Variants in DMD observed in about 807,000 individuals in gnomAD.
DMD encodes the protein dystrophin.
Under a neutral mutation model 330.1 loss-of-function variants are expected in DMD, and 63 were observed. The observed-to-expected ratio is 0.19, with a 90% confidence interval of 0.16 to 0.24. DMD has a LOEUF of 0.24. Ranked by LOEUF, DMD falls within the 10% of genes least tolerant of loss-of-function variation. DMD has a pLI of 1.00. For missense variants in DMD, 3,344 were observed against 2,684.1 expected (o/e 1.25, Z -5.43); for synonymous variants, 1,223 against 959.8 (o/e 1.27, Z -5.07).
At chrX:31,546,110 T>A (rs1337428331) in intron 55 of DMD, among the ~76,000 whole-genome samples, 2 of 112,274 alleles carry the variant, frequency 1.8e-5, no homozygotes, top group Admixed American at 9.5e-5. Context: ...GATTCCTGTA[T>A]TAGATGATTT....
intron 12 of DMD, 83 bp downstream of exon 12, chrX:32,614,220 C>G (rs1399062722): frequency 1.1e-6 from 1 of 941,398 alleles, no homozygotes; most frequent in East Asian, 3.2e-5. Context: ...TCCCATCAAC[C>G]ATGTCATCTG....
chrX:32,410,884 A>T (rs902033643), intron 30 of DMD, among the ~76,000 whole-genome samples: 14 of 112,207 alleles, frequency 1.2e-4, no homozygotes, highest in Admixed American at 9.5e-4. Context: ...ACACTATTTT[A>T]ATTCTCATTC....
chrX:32,330,641 C>CTT (rs985248042), intron 41 of DMD, among the ~76,000 whole-genome samples: 1 of 110,927 alleles, frequency 9.0e-6, no homozygotes, highest in Non-Finnish European at 1.9e-5. Context: ...AATTCTTGTT[C>CTT]TTTTTTTTCT....
chrX:32,695,337 G>C (rs1274980044), intron 9 of DMD, among the ~76,000 whole-genome samples: 1 of 111,947 alleles, frequency 8.9e-6, no homozygotes, highest in Non-Finnish European at 1.9e-5. Context: ...GCTAAGGGAA[G>C]CATAAAAGCT....
chrX:33,057,209 C>G (rs1019984345), intron 1 of DMD, among the ~76,000 whole-genome samples: 4 of 107,126 alleles, frequency 3.7e-5, no homozygotes, highest in African/African-American at 1.4e-4. Flanking sequence ...AATTCAAAAT[C>G]ACATTATCAT....
At chrX:32,014,566 A>G (rs1403622870) in intron 44 of DMD, among the ~76,000 whole-genome samples, 1 of 111,640 alleles carries the variant, frequency 9.0e-6, no homozygotes, top group Admixed American at 9.6e-5. Flanking sequence ...TAACTTCTCT[A>G]TAGTACAGTT....
chrX:32,264,257 T>C (rs951347533), intron 43 of DMD, among the ~76,000 whole-genome samples: 1 of 111,757 alleles, frequency 8.9e-6, no homozygotes, highest in African/African-American at 3.3e-5. Context: ...AGGATGTGTT[T>C]GCTTCTGCTT....
intron 2 of DMD, among the ~76,000 whole-genome samples, chrX:32,962,353 T>A (rs1005361822): frequency 8.9e-6 from 1 of 112,206 alleles, no homozygotes; most frequent in African/African-American, 3.2e-5. Context: ...TTGTTGTAGA[T>A]CTATATGCCC....
At chrX:31,798,330 C>A (rs2091919184) in intron 50 of DMD, among the ~76,000 whole-genome samples, 1 of 109,651 alleles carries the variant, frequency 9.1e-6, no homozygotes, top group East Asian at 2.8e-4. Context: ...AAGTTCTCCA[C>A]ATGGAGTTGT....
intron 52 of DMD, among the ~76,000 whole-genome samples, chrX:31,727,782 A>G (rs1175633863): frequency 8.9e-6 from 1 of 112,538 alleles, no homozygotes; most frequent in Non-Finnish European, 1.9e-5. Flanking sequence ...AACAATAAAG[A>G]GTTAAACTTT....
chrX:33,002,131 C>A (rs766954865), intron 2 of DMD, among the ~76,000 whole-genome samples: 1 of 110,744 alleles, frequency 9.0e-6, no homozygotes, highest in South Asian at 3.9e-4. Flanking sequence ...GATCCCAGCA[C>A]CTAGATATAT....
At chrX:31,154,796 G>A (rs1602213409) in intron 74 of DMD, among the ~76,000 whole-genome samples, 1 of 110,957 alleles carries the variant, frequency 9.0e-6, no homozygotes, top group African/African-American at 3.3e-5. Context: ...ATCTATTTAC[G>A]TTCTTGATTA....
intron 63 of DMD, among the ~76,000 whole-genome samples, chrX:31,236,044 T>C (rs1423147023): frequency 8.9e-6 from 1 of 112,156 alleles, no homozygotes; most frequent in Non-Finnish European, 1.9e-5. Context: ...TGAGAAGATA[T>C]CTGCAAGAAA....
At chrX:31,325,639 A>G (rs2056734856) in intron 61 of DMD, among the ~76,000 whole-genome samples, 1 of 109,952 alleles carries the variant, frequency 9.1e-6, no homozygotes, top group Admixed American at 9.7e-5. Flanking sequence ...AAACAAACAA[A>G]CCATGGGCTA....
intron 2 of DMD, among the ~76,000 whole-genome samples, chrX:32,971,422 A>G (rs1473849293): frequency 9.0e-6 from 1 of 111,611 alleles, no homozygotes; most frequent in East Asian, 2.8e-4. Context: ...GCATGTGAAG[A>G]AAAAACAGTC....
intron 54 of DMD, among the ~76,000 whole-genome samples, chrX:31,632,242 T>C (rs1341717278): frequency 8.9e-6 from 1 of 111,746 alleles, no homozygotes; most frequent in African/African-American, 3.3e-5. Context: ...AAGGGAAACT[T>C]GTTGCTTTCC....
chrX:32,558,938 C>CTTTTTTTTTTTTT (rs60739281), intron 16 of DMD, among the ~76,000 whole-genome samples: 25 of 50,812 alleles, frequency 4.9e-4, no homozygotes, highest in African/African-American at 2.1e-3. Flanking sequence ...TTCAAATTTT[C>CTTTTTTTTTTTTT]TTTTTTTTTT....
intron 53 of DMD, among the ~76,000 whole-genome samples, chrX:31,670,353 G>A (rs1181131001): frequency 4.5e-5 from 5 of 111,846 alleles, no homozygotes; most frequent in Admixed American, 1.9e-4. Context: ...GTGAGACCAG[G>A]CATCCTTCAC....
chrX:33,049,107 G>A (rs886961548), intron 1 of DMD, among the ~76,000 whole-genome samples: 26 of 111,753 alleles, frequency 2.3e-4, no homozygotes, highest in Middle Eastern at 4.2e-3. Context: ...TCTGCCAAAT[G>A]AAACTTTAAA....
Sources: allele counts gnomAD v4.1 joint callset (sites outside exome capture counted in the v4.1 genomes callset), GRCh38; gene constraint gnomAD v4.1.1; transcripts MANE v1.5; gene names NCBI Gene and HGNC (gene_info 2026-07-23, HGNC 2026-07-21).